The following MMP16 variants were observed in gnomAD, a reference collection of about 807,000 sequenced individuals.
MMP16 encodes the protein matrix metallopeptidase 16, also known as matrix metalloproteinase-16.
Under a neutral mutation model 67.8 loss-of-function variants are expected in MMP16, and 12 were observed. That is an observed-to-expected ratio of 0.18 (90% CI 0.11 to 0.29). The LOEUF (loss-of-function observed/expected upper bound fraction) is 0.29, where lower values mean the gene tolerates loss of function less well. Ranked by LOEUF, MMP16 falls within the 10% of genes least tolerant of loss-of-function variation. The probability of loss-of-function intolerance (pLI) is 1.00; values close to 1 mark genes in which losing one functional copy is unlikely to be tolerated. For synonymous variants in MMP16, 249 were observed against 255.9 expected, an observed-to-expected ratio of 0.97 and a Z score of 0.26; for missense variants, 475 against 765.7, an observed-to-expected ratio of 0.62 and a Z score of 4.48.
chr8:88,303,203 G>A (rs1227451585), intron 1 of MMP16, among the ~76,000 whole-genome samples: 1 of 152,166 alleles, frequency 6.6e-6, no homozygotes, highest in African/African-American at 2.4e-5. Context: ...CTGAATCCAG[G>A]GAGCCAGGCA....
At chr8:88,294,767 C>T (rs551152746) in intron 1 of MMP16, among the ~76,000 whole-genome samples, 11 of 151,948 alleles carry the variant, frequency 7.2e-5, no homozygotes, top group Admixed American at 3.3e-4. Flanking sequence ...CAGGCTGGAG[C>T]GCAGTGGTGC....
At chr8:88,243,076 C>T (rs769906569) in intron 1 of MMP16, among the ~76,000 whole-genome samples, 2 of 152,036 alleles carry the variant, frequency 1.3e-5, no homozygotes, top group Non-Finnish European at 2.9e-5. Context: ...TTTCAGGATC[C>T]CATGTTCTCA....
At chr8:88,215,789 A>T (rs531608640) in intron 1 of MMP16, among the ~76,000 whole-genome samples, 1 of 152,046 alleles carries the variant, frequency 6.6e-6, no homozygotes, top group East Asian at 1.9e-4. Context: ...TCATACTGAA[A>T]TTTTTTTTGA....
chr8:88,311,853 T>C (rs1388785317), intron 1 of MMP16, among the ~76,000 whole-genome samples: 1 of 152,038 alleles, frequency 6.6e-6, no homozygotes, highest in Admixed American at 6.6e-5. Context: ...TTATAAATAA[T>C]ATAACATGTC....
intron 1 of MMP16, among the ~76,000 whole-genome samples, chr8:88,273,106 C>G (rs1330034371): frequency 6.7e-6 from 1 of 149,814 alleles, no homozygotes; most frequent in Non-Finnish European, 1.5e-5. Flanking sequence ...TTTTTTGAGA[C>G]AGAGTCTTGC....
chr8:88,059,989 A>C (rs1010806675), intron 7 of MMP16, among the ~76,000 whole-genome samples: 7 of 152,024 alleles, frequency 4.6e-5, no homozygotes, highest in African/African-American at 1.7e-4. Context: ...AGAGATAAAA[A>C]AAAAAAAAGT....
intron 1 of MMP16, among the ~76,000 whole-genome samples, chr8:88,197,674 C>T (rs1809278403): frequency 6.6e-6 from 1 of 152,146 alleles, no homozygotes. Flanking sequence ...AACAGTATGA[C>T]TCTATTGAGA....
intron 7 of MMP16, among the ~76,000 whole-genome samples, chr8:88,066,204 A>G (rs944718860): frequency 1.3e-5 from 2 of 152,150 alleles, no homozygotes; most frequent in Admixed American, 1.3e-4. Context: ...AGATTGCACC[A>G]GCTCAATTTT....
intron 6 of MMP16, among the ~76,000 whole-genome samples, chr8:88,087,877 G>A (rs1191555314): frequency 1.3e-5 from 2 of 151,484 alleles, no homozygotes; most frequent in African/African-American, 4.9e-5. Flanking sequence ...CTGGCAGGTT[G>A]AGGCTGCAGT....
At chr8:88,160,475 C>T (rs549268556) in intron 4 of MMP16, among the ~76,000 whole-genome samples, 157 of 152,026 alleles carry the variant, frequency 1.0e-3, no homozygotes, top group Non-Finnish European at 2.0e-3. Flanking sequence ...GGGCAAAGGA[C>T]ATGAACAGAC....
At chr8:88,076,943 T>C (rs1047176688) in intron 6 of MMP16, among the ~76,000 whole-genome samples, 1 of 152,120 alleles carries the variant, frequency 6.6e-6, no homozygotes, top group African/African-American at 2.4e-5. Context: ...GCCCTTCCCA[T>C]TGCTATAATC....
chr8:88,126,448 A>T (rs1807931981), intron 4 of MMP16, among the ~76,000 whole-genome samples: 2 of 151,924 alleles, frequency 1.3e-5, no homozygotes, highest in African/African-American at 4.8e-5. Context: ...CTGGGGTACA[A>T]ACTGTCAGTT....
chr8:88,260,116 A>G (rs1302260942), intron 1 of MMP16, among the ~76,000 whole-genome samples: 2 of 152,208 alleles, frequency 1.3e-5, no homozygotes, highest in Non-Finnish European at 2.9e-5. Flanking sequence ...AAAGAAATAT[A>G]CCAGTAAGAA....
intron 4 of MMP16, among the ~76,000 whole-genome samples, chr8:88,145,059 A>G (rs1039543534): frequency 5.3e-5 from 8 of 152,144 alleles, no homozygotes; most frequent in Middle Eastern, 3.4e-3. Flanking sequence ...TTCAAACACT[A>G]TTCTATTTTT....
At chr8:88,067,653 T>C (rs1469262986) in intron 7 of MMP16, among the ~76,000 whole-genome samples, 1 of 152,164 alleles carries the variant, frequency 6.6e-6, no homozygotes, top group Non-Finnish European at 1.5e-5. Context: ...TAAAATTTAA[T>C]ACAAATGTTA....
At chr8:88,062,547 T>C (rs1162994532) in intron 7 of MMP16, among the ~76,000 whole-genome samples, 1 of 151,872 alleles carries the variant, frequency 6.6e-6, no homozygotes, top group Admixed American at 6.6e-5. Flanking sequence ...CTCAGCAAAC[T>C]ATCGCAAGGA....
At chr8:88,147,504 T>C (rs1808313708) in intron 4 of MMP16, among the ~76,000 whole-genome samples, 1 of 152,154 alleles carries the variant, frequency 6.6e-6, no homozygotes, top group Non-Finnish European at 1.5e-5. Flanking sequence ...TTATACTTCA[T>C]GTCTCAGAAA....
chr8:88,101,034 T>C (rs1286489544), intron 6 of MMP16, among the ~76,000 whole-genome samples: 1 of 151,606 alleles, frequency 6.6e-6, no homozygotes, highest in East Asian at 2.0e-4. Context: ...GATGACAAGT[T>C]AATGGGTGCA....
At chr8:88,129,912 T>C (rs1469878155) in intron 4 of MMP16, among the ~76,000 whole-genome samples, 1 of 151,688 alleles carries the variant, frequency 6.6e-6, no homozygotes, top group African/African-American at 2.4e-5. Context: ...TAATTTACTG[T>C]TGGCCTATCG....
Sources: allele counts gnomAD v4.1 joint callset (sites outside exome capture counted in the v4.1 genomes callset), GRCh38; gene constraint gnomAD v4.1.1; transcripts MANE v1.5; gene names NCBI Gene and HGNC (gene_info 2026-07-23, HGNC 2026-07-21).